Variants in STRADB observed in about 807,000 individuals in gnomAD.
STRADB encodes the protein STE20 related adaptor beta, also known as STE20-related kinase adapter protein beta.
STRADB carries 34 observed loss-of-function variants against 52.1 expected under a neutral mutation model. The ratio of observed to expected loss-of-function variants is 0.65; its 90% CI spans 0.50 to 0.87. The LOEUF is 0.87. STRADB is among the 40% of genes least tolerant of loss of function. The pLI, the probability that STRADB is intolerant of heterozygous loss-of-function variation, is 0.00. For missense variants in STRADB, 340 were observed against 483.9 expected (o/e 0.70, Z 2.79); for synonymous variants, 133 against 174.5 (o/e 0.76, Z 1.87).
At chr2:201,479,191 CA>C (rs1036421010) in intron 10 of STRADB, 2 of 238,888 alleles carry the variant, frequency 8.4e-6, no homozygotes, top group African/African-American at 4.6e-5. Context: ...CATTAATTAG[CA>C]CATTTACGTT....
chr2:201,477,056 T>TG (rs1952486740), intron 7 of STRADB, among the ~76,000 whole-genome samples: 1 of 92,862 alleles, frequency 1.1e-5, no homozygotes. Context: ...TTATCAGTTT[T>TG]TTTTTTTTTT....
At chr2:201,462,682 A>G (rs1305320646) in intron 3 of STRADB, among the ~76,000 whole-genome samples, 1 of 152,224 alleles carries the variant, frequency 6.6e-6, no homozygotes, top group Non-Finnish European at 1.5e-5. Context: ...TGTACACTTT[A>G]ACTTCATTCC....
chr2:201,468,297 C>G (rs1952337510), intron 3 of STRADB, among the ~76,000 whole-genome samples: 1 of 151,458 alleles, frequency 6.6e-6, no homozygotes. Flanking sequence ...ATGATTTACT[C>G]TTAGTAAATC....
chr2:201,461,659 T>TTTGCTGTGCAGAAGCTTTTTAAC (rs140759564), intron 3 of STRADB, among the ~76,000 whole-genome samples: 8,405 of 152,038 alleles, frequency 0.055, 284 homozygotes, highest in African/African-American at 0.072. Context: ...TGTTTTTTCT[T>TTTGCTGTGCAGAAGCTTTTTAAC]TTGCTGTGCA....
At chr2:201,453,714 G>T (rs1030584117) in intron 1 of STRADB, among the ~76,000 whole-genome samples, 3 of 152,120 alleles carry the variant, frequency 2.0e-5, no homozygotes, top group African/African-American at 7.2e-5. Flanking sequence ...CTGATACAGT[G>T]TTTGCTAATT....
intron 10 of STRADB, chr2:201,479,209 C>CT (rs1235815025): frequency 6.3e-6 from 2 of 317,510 alleles, no homozygotes; most frequent in Non-Finnish European, 1.1e-5. Flanking sequence ...CGTTAAGACT[C>CT]TAAGTAGTAT....
chr2:201,454,830 A>G lies in STRADB; in HGVS notation c.-11A>G. 1.2e-6 allele frequency: 2 copies of G among 1,607,144 alleles called. No individual in the cohort carries two copies. The highest frequency in any genetic ancestry group is 1.1e-5 in the South Asian group (1 of 89,742). On this transcript the variant is annotated 5_prime_UTR_variant, in exon 2 of 12. Coordinates refer to ENST00000194530, the MANE Select transcript of STRADB (RefSeq NM_018571.6). ...ATTTTTGTCACTTTCTGTGTGAACT[A>G]AAGTGATTCAATGTCTCTTTTGGTA...
At chr2:201,477,424 A>ACT (rs1434132844) in intron 7 of STRADB, among the ~76,000 whole-genome samples, 195 bp from the exon 8 acceptor site, 3 of 152,344 alleles carry the variant, frequency 2.0e-5, no homozygotes, top group African/African-American at 7.2e-5. Context: ...TGTAGTAAGT[A>ACT]GCTGAAAGAA....
chr2:201,480,361 T>G lies in STRADB; in HGVS notation c.*186T>G. 1 of 1,392,476 alleles carries G rather than the reference T, an allele frequency of 7.2e-7. No individual in the cohort carries two copies. The highest frequency in any genetic ancestry group is 1.8e-5 in the South Asian group (1 of 54,866). 86.3% of individuals were successfully genotyped at this position (1,392,476 alleles called of 1,614,324 possible). A position where few individuals can be genotyped will look rare whatever the true frequency, so the allele number is the denominator to read the frequency against. On this transcript the variant is annotated 3_prime_UTR_variant, in exon 12 of 12. Coordinates refer to ENST00000194530, the MANE Select transcript of STRADB (RefSeq NM_018571.6). Reference sequence around the variant, plus strand: ...TGTAGTCCCTCTGTTTCGCACAGAGTACTATGACAAGGAAACATCAGAATT... The same window carrying G: ...TGTAGTCCCTCTGTTTCGCACAGAGGACTATGACAAGGAAACATCAGAATT...
chr2:201,464,963 G>A (rs952585554), intron 3 of STRADB, among the ~76,000 whole-genome samples: 3 of 152,084 alleles, frequency 2.0e-5, no homozygotes, highest in African/African-American at 7.2e-5. Flanking sequence ...GGTGAATATT[G>A]CCAGGCCTGG....
chr2:201,459,769 C>G (rs933923892), intron 3 of STRADB, among the ~76,000 whole-genome samples: 1 of 152,180 alleles, frequency 6.6e-6, no homozygotes, highest in Non-Finnish European at 1.5e-5. Context: ...TTCCTAAAGC[C>G]TATGGGATAA....
intron 2 of STRADB, among the ~76,000 whole-genome samples, chr2:201,455,315 G>A (rs561319312): frequency 6.6e-5 from 10 of 152,190 alleles, no homozygotes; most frequent in Admixed American, 2.6e-4. Flanking sequence ...ATTTAGATCC[G>A]TGGTATCTAC....
intron 1 of STRADB, among the ~76,000 whole-genome samples, chr2:201,452,180 C>T (rs1163268221): frequency 6.6e-6 from 1 of 152,072 alleles, no homozygotes; most frequent in Admixed American, 6.5e-5. Context: ...TCGCAGCCCG[C>T]CCAGTGGTGC....
rs1952558853 is a variant in STRADB, at chr2:201,480,755, AGG to A, written c.*584_*585del. The A allele has an allele frequency of 1.0e-6, 1 of 985,326 alleles. No homozygotes were observed. The highest frequency in any genetic ancestry group is 4.7e-5 in the South Asian group (1 of 21,282). 61.0% of individuals were successfully genotyped at this position (985,326 alleles called of 1,614,324 possible). A position where few individuals can be genotyped will look rare whatever the true frequency, so the allele number is the denominator to read the frequency against. Reference sequence around the variant, plus strand: ...ATTGTAATTTGCTTTTTTTTAAACAAGGGGGCTAAAGTAACACTTTCCTACTT... The same window carrying A: ...ATTGTAATTTGCTTTTTTTTAAACAAGGGCTAAAGTAACACTTTCCTACTT... On this transcript the variant is annotated 3_prime_UTR_variant, in exon 12 of 12. Coordinates refer to ENST00000194530, the MANE Select transcript of STRADB (RefSeq NM_018571.6).
At position 201,479,503 on chromosome 2, in the gene STRADB, G is replaced by A. The variant is rs1574297653; in HGVS notation, c.1085G>A (p.Ser362Asn). 1 of 1,602,580 alleles carries A rather than the reference G, an allele frequency of 6.2e-7. No individual in the cohort carries two copies. The change falls in exon 11 of 12, where the codon AGT (serine) becomes AAT (asparagine). Residue 362 changes from serine to asparagine, a missense_variant. Ser to Asn is a conservative substitution (Grantham distance 46, BLOSUM62 1). Transcript: ENST00000194530. ...AAAAATTTCAGGCCATCAGCAAGCA[G>A]TTTATTGTCCCATGTTTTCTTCAAA... The part of the protein sequence containing the change: ...QDPEKRPSAS[S>N]LLSHVFFKQM...
rs538711544 is a variant in STRADB at position 201,466,342 on chromosome 2, ATC to A, written c.94-3603_94-3602del. 1.3e-3 allele frequency among the ~76,000 whole-genome samples: 201 copies of A among 152,306 alleles called. 1 individual carries two copies. The highest frequency in any genetic ancestry group is 4.8e-3 in the African/African-American group (198 of 41,566). On this transcript the variant is annotated intron_variant, in intron 3 of 11. Coordinates refer to ENST00000194530, the MANE Select transcript of STRADB (RefSeq NM_018571.6). Reference sequence around the variant, plus strand: ...TATAATTTAAGGATTGAAATGTCACATCTCTCTCTGTTAGTAGACTTAGACTA... The same window carrying A: ...TATAATTTAAGGATTGAAATGTCACATCTCTCTGTTAGTAGACTTAGACTA...
At position 201,469,981 on chromosome 2, in the gene STRADB, G is replaced by C; in HGVS notation, c.122G>C (p.Arg41Pro). The stretch of plus-strand genomic sequence containing the variant: ...GATGAGCCAACCCTTTCCTGGTCAC[G>C]TCCATCCACTAGAGCCAGTGAAGTA... ...LVDEPTLSWS[R>P]PSTRASEVLC... Residue 41 changes from arginine (R) to proline (P), a missense_variant, in exon 4 of 12, where the codon CGT becomes CCT. Transcript: ENST00000194530. 6.2e-7 allele frequency: 1 copy of C among 1,613,790 alleles called. No homozygotes were observed. Among genetic ancestry groups the C allele is most frequent in the East Asian group, 2.2e-5 (1 of 44,872 alleles).
chr2:201,479,651 A>G, intron 11 of STRADB, 120 bp downstream of exon 11: 1 of 998,580 alleles, frequency 1.0e-6, no homozygotes, highest in Non-Finnish European at 1.5e-6. Flanking sequence ...CTTTGTTACA[A>G]AATAAAGTTA....
chr2:201,454,298 A>G (rs1453762749), intron 1 of STRADB, among the ~76,000 whole-genome samples: 2 of 152,228 alleles, frequency 1.3e-5, no homozygotes, highest in Admixed American at 6.5e-5. Context: ...GGCTTTGGAA[A>G]GTCTCAAAGT....
Sources: gnomAD v4.1 joint callset for allele counts (sites outside exome capture counted in the v4.1 genomes callset) on GRCh38, gnomAD v4.1.1 for gene constraint, MANE v1.5 for transcripts, NCBI Gene and HGNC (gene_info 2026-07-23, HGNC 2026-07-21) for gene names.